UNC45A: variants seen among roughly 807,000 people sequenced by gnomAD.
UNC45A encodes protein unc-45 homolog A.
UNC45A carries 78 observed loss-of-function variants against 103.2 expected under a neutral mutation model. That is an observed-to-expected ratio of 0.76 (90% confidence interval 0.63 to 0.91). UNC45A has a LOEUF of 0.91. Ranked by LOEUF, UNC45A falls within the 40% of genes least tolerant of loss-of-function variation. The pLI, the probability that UNC45A is intolerant of heterozygous loss-of-function variation, is 0.00. For missense variants in UNC45A, 1,193 were observed against 1,224.8 expected (o/e 0.97, Z 0.39); for synonymous variants, 495 against 504.6 (o/e 0.98, Z 0.25).
At position 90,944,873 on chromosome 15, in the gene UNC45A, A is replaced by G; in HGVS notation, c.1028-19A>G. On this transcript the variant is annotated intron_variant, in intron 8 of 19. Transcript: ENST00000418476. ...GGTTGGAACTAGTGTTCTACTGTCT[A>G]AGCGGGGTGTCTTTACAGGTCTGAA... The G allele has an allele frequency of 3.1e-6, 5 of 1,610,240 alleles. No homozygotes were observed. Among genetic ancestry groups the G allele is most frequent in the African/African-American group, 1.3e-5 (1 of 74,852 alleles).
At chr15:90,952,503 T>G (rs1181658334) in intron 17 of UNC45A, 1 of 166,810 alleles carries the variant, frequency 6.0e-6, no homozygotes, top group East Asian at 1.6e-4. Context: ...CACTGCAACC[T>G]TCACCTCCTG....
intron 17 of UNC45A, 132 bp from the exon 18 acceptor site, chr15:90,952,797 G>A: frequency 1.3e-6 from 1 of 743,566 alleles, no homozygotes; most frequent in Non-Finnish European, 2.2e-6. Flanking sequence ...CAAGCCATGA[G>A]GGACCCATCC....
At chr15:90,946,970 A>G (rs1202352972) in intron 10 of UNC45A, 56 bp downstream of exon 10, 10 of 1,558,732 alleles carry the variant, frequency 6.4e-6, no homozygotes, top group Non-Finnish European at 7.8e-6. Context: ...GTCCTGGTCC[A>G]GCCGGTGTTG....
intron 8 of UNC45A, 142 bp from the exon 9 acceptor site, chr15:90,944,750 T>C (rs2036475690): frequency 2.0e-6 from 2 of 985,170 alleles, no homozygotes; most frequent in African/African-American, 3.2e-5. Flanking sequence ...CTAAGCAGAT[T>C]CTCCGGGCTG....
chr15:90,942,366 C>A, intron 6 of UNC45A, 71 bp from the exon 7 acceptor site: 11 of 1,515,154 alleles, frequency 7.3e-6, no homozygotes, highest in Non-Finnish European at 9.8e-6. Context: ...TCCTCTAACT[C>A]ACAGTTAGGG....
chr15:90,949,746 T>C, intron 15 of UNC45A, 26 bp downstream of exon 15: 1 of 1,612,614 alleles, frequency 6.2e-7, no homozygotes, highest in Non-Finnish European at 8.5e-7. Context: ...CACCCCTTCC[T>C]GATGGCTGAG....
At chr15:90,950,046 C>T (rs1567161409) in intron 15 of UNC45A, 108 bp from the exon 16 acceptor site, 2 of 1,054,282 alleles carry the variant, frequency 1.9e-6, no homozygotes, top group Non-Finnish European at 2.8e-6. Context: ...GGAGTCAAGC[C>T]TGGGGAGAGG....
In UNC45A at chr15:90,935,297, T is replaced by TG. The variant is rs757742017; in HGVS notation, c.-27dup. Reference sequence around the variant, plus strand: ...CTCGCCCCGCCCCAGAGACTGCGCCTGCGCGGGCACGAGACAACCTCTCCG... The same window carrying TG: ...CTCGCCCCGCCCCAGAGACTGCGCCTGGCGCGGGCACGAGACAACCTCTCCG... On this transcript the variant is annotated 5_prime_UTR_variant, in exon 1 of 20. Coordinates refer to ENST00000418476, the MANE Select transcript of UNC45A (RefSeq NM_018671.5). 2.0e-5 allele frequency: 32 copies of TG among 1,591,274 alleles called. No homozygotes were observed. The highest frequency in any genetic ancestry group is 2.0e-5 in the Non-Finnish European group (23 of 1,171,860).
chr15:90,943,426 CA>C (rs71154147), intron 8 of UNC45A, among the ~76,000 whole-genome samples: 5,495 of 74,526 alleles, frequency 0.074, 292 homozygotes, highest in African/African-American at 0.21. Context: ...GAGACTGTCT[CA>C]AAAAAAAAAA....
chr15:90,939,939 C>A, intron 5 of UNC45A, 116 bp downstream of exon 5: 2 of 967,812 alleles, frequency 2.1e-6, no homozygotes, highest in Middle Eastern at 3.2e-4. Context: ...GCTGGGCTCA[C>A]GGGGCCTGGA....
Position 90,953,748 on chromosome 15 carries a change from C to T in UNC45A, c.*32C>T. The T allele has an allele frequency of 1.2e-6, 2 of 1,604,568 alleles. No homozygotes were observed. Among genetic ancestry groups the T allele is most frequent in the Non-Finnish European group, 1.7e-6 (2 of 1,174,286 alleles). ...TGTCCCTGGGCCCAAGGCTCATGCA[C>T]ACGCTACCTATTGTGGCACGGAGAG... On this transcript the variant is annotated 3_prime_UTR_variant, in exon 20 of 20. Transcript: ENST00000418476.
intron 4 of UNC45A, 128 bp downstream of exon 4, chr15:90,936,588 C>A: frequency 1.8e-6 from 2 of 1,108,954 alleles, no homozygotes; most frequent in Non-Finnish European, 2.5e-6. Context: ...CAGGGAAAAG[C>A]AAATTAAGAT....
At chr15:90,945,989 C>G (rs1242035164) in intron 9 of UNC45A, among the ~76,000 whole-genome samples, 1 of 151,596 alleles carries the variant, frequency 6.6e-6, no homozygotes, top group African/African-American at 2.4e-5. Context: ...GTGGCTTACA[C>G]CTGTAATCCC....
chr15:90,946,942 G>GCCGGGGGGGGGGGGGC, intron 10 of UNC45A, 28 bp downstream of exon 10: 2 of 817,436 alleles, frequency 2.4e-6, no homozygotes, highest in East Asian at 3.3e-5. Context: ...GGGTGGGTGG[G>GCCGGGGGGGGGGGGGC]CAGGCAGCCA....
intron 14 of UNC45A, 24 bp downstream of exon 14, chr15:90,949,467 A>G: frequency 1.2e-6 from 2 of 1,612,320 alleles, no homozygotes; most frequent in South Asian, 2.2e-5. Context: ...GGTAGGAGCC[A>G]ACCTTTCCCA....
chr15:90,944,957 G>T lies in UNC45A; in HGVS notation c.1093G>T (p.Ala365Ser). ...QDPPGELAVT[A>S]NSRMSASILL... ...CCCTCCTGGGGAGCTCGCAGTGACC[G>T]CAAACAGCCGCATGAGCGCCTCTAT... Residue 365 changes from alanine to serine, a missense_variant, in exon 9 of 20, where the codon GCA becomes TCA. Transcript: ENST00000418476. 6.2e-7 allele frequency: 1 copy of T among 1,612,642 alleles called. No homozygotes were observed. The highest frequency in any genetic ancestry group is 8.5e-7 in the Non-Finnish European group (1 of 1,180,028).
chr15:90,949,855 C>A, intron 15 of UNC45A, 135 bp downstream of exon 15: 1 of 981,874 alleles, frequency 1.0e-6, no homozygotes, highest in Non-Finnish European at 1.6e-6. Flanking sequence ...CACCGTCCCG[C>A]TGAGAGAGTG....
chr15:90,933,557 G>T (rs138898105), upstream of UNC45A: 2 of 152,632 alleles, frequency 1.3e-5, no homozygotes, highest in Non-Finnish European at 2.9e-5. Flanking sequence ...GCTAATGAAA[G>T]GAGTCACCCT....
chr15:90,932,332 A>T, upstream of UNC45A: 1 of 833,672 alleles, frequency 1.2e-6, no homozygotes, highest in Non-Finnish European at 1.8e-6. Context: ...AGCTTGGGAC[A>T]AAACAGGTGC....
Sources: allele counts gnomAD v4.1 joint callset (sites outside exome capture counted in the v4.1 genomes callset), GRCh38; gene constraint gnomAD v4.1.1; transcripts MANE v1.5; gene names NCBI Gene and HGNC (gene_info 2026-07-23, HGNC 2026-07-21).